BPIFB4: variants seen among roughly 807,000 people sequenced by gnomAD.
The protein encoded by BPIFB4 is BPI fold containing family B member 4.
A neutral mutation model predicts 69.2 loss-of-function variants in BPIFB4; 62 were observed. That is an observed-to-expected ratio of 0.90 (90% CI 0.73 to 1.11). The LOEUF (loss-of-function observed/expected upper bound fraction) is 1.11. BPIFB4 is among the 50% of genes least tolerant of loss of function. The pLI is 0.00. For synonymous variants in BPIFB4, 330 were observed against 332.7 expected (o/e 0.99, Z 0.09); for missense variants, 789 against 792.0 (o/e 1.00, Z 0.04).
At chr20:33,103,035 C>G in intron 15 of BPIFB4, 21 bp downstream of exon 15, 1 of 1,611,600 alleles carries the variant, frequency 6.2e-7, no homozygotes, top group Non-Finnish European at 8.5e-7. Context: ...TGTTTAGTTC[C>G]CAGGGCAAGA....
At chr20:33,083,914 A>C (rs768963573) in intron 5 of BPIFB4, 40 bp downstream of exon 5, 1 of 1,551,876 alleles carries the variant, frequency 6.4e-7, no homozygotes, top group East Asian at 2.3e-5. Context: ...GCCCCCATAC[A>C]CCTCCAAATG....
At chr20:33,087,633 C>T (rs1367091807) in intron 7 of BPIFB4, among the ~76,000 whole-genome samples, 1 of 151,374 alleles carries the variant, frequency 6.6e-6, no homozygotes, top group African/African-American at 2.4e-5. Flanking sequence ...ACAGGAGGGT[C>T]GATGAACCTG....
intron 3 of BPIFB4, among the ~76,000 whole-genome samples, chr20:33,082,564 C>G (rs1981267000): frequency 6.6e-6 from 1 of 152,152 alleles, no homozygotes; most frequent in Non-Finnish European, 1.5e-5. Flanking sequence ...TAACTCCTGA[C>G]CTCATAATCC....
chr20:33,111,188 T>C (rs1039469847), intron 17 of BPIFB4, among the ~76,000 whole-genome samples: 7 of 152,166 alleles, frequency 4.6e-5, no homozygotes, highest in African/African-American at 1.7e-4. Context: ...ACTTCTCTTA[T>C]TTTGGGGAAT....
In BPIFB4 at chr20:33,083,461, T is replaced by TCTCAATTTAC. The variant is rs1981308107; in HGVS notation, c.265_266insTCAATTTACC (p.His89LeufsTer6). 6.2e-7 allele frequency: 1 copy of TCTCAATTTAC among 1,613,336 alleles called. No individual in the cohort carries two copies. The highest frequency in any genetic ancestry group is 1.3e-5 in the African/African-American group (1 of 74,626). On this transcript the variant is annotated frameshift_variant, in exon 5 of 18. Coordinates refer to ENST00000375483, the MANE Select transcript of BPIFB4 (RefSeq NM_182519.3). LOFTEE classifies it high-confidence loss of function. Reference sequence around the variant, plus strand: ...AACTTGATGGTATTTACCAGTATGGTCACATTGAGACCAACGACAACACTG... The same window carrying TCTCAATTTAC: ...AACTTGATGGTATTTACCAGTATGGTCTCAATTTACCACATTGAGACCAACGACAACACTG...
intron 17 of BPIFB4, among the ~76,000 whole-genome samples, chr20:33,109,341 C>T (rs757368611): frequency 6.6e-6 from 1 of 152,188 alleles, no homozygotes; most frequent in Admixed American, 6.5e-5. Context: ...ATGTTCAGTG[C>T]CCCATACATA....
In BPIFB4 at chr20:33,083,410, C is replaced by T. The variant is rs145261889; in HGVS notation, c.213C>T (p.Pro71=). 6 of 1,613,388 alleles carry T rather than the reference C, an allele frequency of 3.7e-6. No individual in the cohort carries two copies. In the African/African-American group the frequency reaches 4.0e-5, roughly 11 times the overall value. ...ACAATGACTTCCATGTCCGAGGACC[C>T]CCCCCAGTATATACCAACGGCAAAA... ...IPYNDFHVRG[P]PPVYTNGKKL... is the part of the protein sequence containing the mutation. Residue 71 remains proline (P), a synonymous_variant, in exon 5 of 18, where the codon CCC becomes CCT. Coordinates refer to ENST00000375483, the MANE Select transcript of BPIFB4 (RefSeq NM_182519.3).
Position 33,094,991 on chromosome 20 carries a change from C to T in BPIFB4, c.1345-109C>T, listed in dbSNP as rs975045374. 3.8e-5 allele frequency: 41 copies of T among 1,089,674 alleles called. No individual in the cohort carries two copies. The Middle Eastern group carries it at 6.1e-4, about 16-fold the overall frequency. The allele number at this position is 1,089,674 out of a possible 1,614,324, so 67.5% of individuals were successfully genotyped here. The stretch of plus-strand genomic sequence containing the variant: ...GTCTTTCAGGGAGAGAAGACGAAGA[C>T]GCCCTGCTGGGTGTTGTAAAGCATG... On this transcript the variant is annotated intron_variant, in intron 11 of 17. Transcript: ENST00000375483.
At chr20:33,111,292 T>G in intron 17 of BPIFB4, 122 bp from the exon 18 acceptor site, 1 of 1,311,400 alleles carries the variant, frequency 7.6e-7, no homozygotes, top group Non-Finnish European at 1.1e-6. Flanking sequence ...CCCCTTTATC[T>G]CCGCTGTTCA....
In BPIFB4 at chr20:33,083,603, C is replaced by T. The variant is rs762109505; in HGVS notation, c.406C>T (p.Leu136Phe). 6.2e-6 allele frequency: 10 copies of T among 1,614,036 alleles called. No homozygotes were observed. Among genetic ancestry groups the T allele is most frequent in the Non-Finnish European group, 8.5e-6 (10 of 1,179,976 alleles). ...AENAYGGHRG[L>F]GRYRAAPVGR... is the part of the protein sequence containing the mutation. Reference sequence around the variant, plus strand: ...GAATGCATATGGAGGCCACAGGGGCCTCGGGCGATACAGGGCAGCACCTGT... The same window carrying T: ...GAATGCATATGGAGGCCACAGGGGCTTCGGGCGATACAGGGCAGCACCTGT... The change falls in exon 5 of 18, where the codon CTC becomes TTC. Residue 136 changes from leucine to phenylalanine, a missense_variant. Coordinates refer to ENST00000375483, the MANE Select transcript of BPIFB4 (RefSeq NM_182519.3).
intron 11 of BPIFB4, among the ~76,000 whole-genome samples, chr20:33,094,420 T>C (rs1981698454): frequency 6.6e-6 from 1 of 152,258 alleles, no homozygotes. Context: ...GTCATGAATT[T>C]AGTGGACACT....
chr20:33,097,220 G>A (rs1020727086), intron 12 of BPIFB4, among the ~76,000 whole-genome samples: 4 of 151,962 alleles, frequency 2.6e-5, no homozygotes, highest in Non-Finnish European at 5.9e-5. Context: ...CCCCTCTGAG[G>A]CCCTGTTTTC....
In BPIFB4 at chr20:33,083,596, C is replaced by T. The variant is rs141919941; in HGVS notation, c.399C>T (p.His133=). The change falls in exon 5 of 18, where the codon CAC becomes CAT. Residue 133 remains histidine, a synonymous_variant. Transcript: ENST00000375483. ...GTGCCGAGAATGCATATGGAGGCCA[C>T]AGGGGCCTCGGGCGATACAGGGCAG... ...YRSAENAYGG[H]RGLGRYRAAP... is the part of the protein sequence containing the mutation. 7 of 1,614,026 alleles carry T rather than the reference C, an allele frequency of 4.3e-6. No homozygotes were observed. In the African/African-American group the frequency reaches 8.0e-5, roughly 18 times the overall value.
chr20:33,080,103 T>A (rs1312857542), intron 1 of BPIFB4, among the ~76,000 whole-genome samples: 4 of 152,152 alleles, frequency 2.6e-5, no homozygotes, highest in African/African-American at 9.7e-5. Context: ...CAGAAAAAAA[T>A]TATTGCATAT....
At chr20:33,103,591 C>A (rs933686707) in intron 15 of BPIFB4, among the ~76,000 whole-genome samples, 1 of 151,708 alleles carries the variant, frequency 6.6e-6, no homozygotes, top group African/African-American at 2.4e-5. Context: ...GCCCCACCCC[C>A]ACCTAAGGCT....
chr20:33,111,174 G>C (rs761622693), intron 17 of BPIFB4, among the ~76,000 whole-genome samples: 9 of 152,080 alleles, frequency 5.9e-5, no homozygotes, highest in Non-Finnish European at 1.3e-4. Context: ...AGGGACTCAG[G>C]CCTACTTCTC....
At chr20:33,091,103 C>T (rs1181458851) in intron 10 of BPIFB4, among the ~76,000 whole-genome samples, 3 of 152,184 alleles carry the variant, frequency 2.0e-5, no homozygotes, top group Non-Finnish European at 4.4e-5. Context: ...AAGGTTAAAT[C>T]ACTTGCCCAA....
At chr20:33,079,791 G>C (rs1981175045) in intron 1 of BPIFB4, 88 bp downstream of exon 1, 1 of 152,246 alleles carries the variant, frequency 6.6e-6, no homozygotes, top group African/African-American at 2.4e-5. Flanking sequence ...CCAGCCTGGA[G>C]ATCCATCAGG....
intron 10 of BPIFB4, among the ~76,000 whole-genome samples, chr20:33,091,291 G>A (rs1981592339): frequency 6.6e-6 from 1 of 152,190 alleles, no homozygotes; most frequent in African/African-American, 2.4e-5. Flanking sequence ...CTGATTTGTA[G>A]CATTGGCCAA....
Sources: allele counts gnomAD v4.1 joint callset (sites outside exome capture counted in the v4.1 genomes callset), GRCh38; gene constraint gnomAD v4.1.1; transcripts MANE v1.5; gene names NCBI Gene and HGNC (gene_info 2026-07-23, HGNC 2026-07-21).